The following MYO1E variants were observed in gnomAD, a reference collection of about 807,000 sequenced individuals.
MYO1E encodes myosin IE, also known as unconventional myosin-Ie.
A neutral mutation model predicts 151.1 loss-of-function variants in MYO1E; 68 were observed. The ratio of observed to expected loss-of-function variants is 0.45; its 90% CI spans 0.37 to 0.55. MYO1E has a LOEUF of 0.55. Ranked by LOEUF, MYO1E falls within the 20% of genes least tolerant of loss-of-function variation. The pLI is 0.00. For synonymous variants in MYO1E, 601 were observed against 501.7 expected (o/e 1.20, Z -2.64); for missense variants, 1,363 against 1,389.3 (o/e 0.98, Z 0.30).
chr15:59,222,779 G>A (rs771998401), intron 9 of MYO1E, among the ~76,000 whole-genome samples: 21 of 152,184 alleles, frequency 1.4e-4, no homozygotes, highest in Non-Finnish European at 2.8e-4. Context: ...AAACCAAGGT[G>A]TGAAATCCTC....
chr15:59,308,412 C>T lies in MYO1E; in HGVS notation c.4-35963G>A, dbSNP rs139878182. On this transcript the variant is annotated intron_variant, in intron 1 of 27. Coordinates refer to ENST00000288235, the MANE Select transcript of MYO1E (RefSeq NM_004998.4). The stretch of plus-strand genomic sequence containing the variant: ...TTAGGCTGGGCACAATGGCTCACGC[C>T]TGTAATCCCAGCACTTTGGGAGGCC... Among the ~76,000 whole-genome samples the T allele has an allele frequency of 1.2e-3, 190 of 152,078 alleles. 1 individual carries two copies. The highest frequency in any genetic ancestry group is 6.8e-3 in the Middle Eastern group (2 of 294).
Position 59,132,730 on chromosome 15 carries a change from C to T in MYO1E, c.*4650G>A, listed in dbSNP as rs544069038. 2 of 152,282 alleles carry T rather than the reference C, an allele frequency of 1.3e-5. No individual in the cohort carries two copies. The highest frequency in any genetic ancestry group is 2.1e-4 in the South Asian group (1 of 4,828). The allele number at this position is 152,282 out of a possible 1,614,324, so 9.4% of individuals were successfully genotyped here. ...GATCTCTATACTTTAGTTTCTGTACCTGTGAAGTGGGGATAAGAGTGTCTC... is the reference window on the plus strand; with the variant it reads ...GATCTCTATACTTTAGTTTCTGTACTTGTGAAGTGGGGATAAGAGTGTCTC... On this transcript the variant is annotated 3_prime_UTR_variant, in exon 28 of 28. Transcript: ENST00000288235.
chr15:59,147,557 A>T (rs768473716), intron 26 of MYO1E, among the ~76,000 whole-genome samples: 8 of 125,970 alleles, frequency 6.4e-5, no homozygotes, highest in Non-Finnish European at 1.3e-4. Context: ...GGATCGCGCC[A>T]TTGCACTCCA....
intron 1 of MYO1E, among the ~76,000 whole-genome samples, chr15:59,352,913 A>C (rs2080831668): frequency 6.6e-6 from 1 of 152,180 alleles, no homozygotes; most frequent in African/African-American, 2.4e-5. Flanking sequence ...GCACTTCCGA[A>C]AACAGCATTA....
At chr15:59,236,796 T>C (rs570656709) in intron 4 of MYO1E, 124 bp from the exon 5 acceptor site, 4 of 142,186 alleles carry the variant, frequency 2.8e-5, no homozygotes, top group African/African-American at 9.8e-5. Flanking sequence ...CAGAAAAGAA[T>C]TTTTTTTTTT....
rs941525256 is a variant in MYO1E, at chr15:59,159,907, C to T, written c.2785+1166G>A. 5.9e-5 allele frequency among the ~76,000 whole-genome samples: 9 copies of T among 152,110 alleles called. No individual in the cohort carries two copies. The highest frequency in any genetic ancestry group is 2.1e-4 in the South Asian group (1 of 4,830). On this transcript the variant is annotated intron_variant, in intron 24 of 27. Transcript: ENST00000288235. This position sits in a 1 kb window ranked among gnomAD's most constrained non-coding sequence, Gnocchi z 4.4. ...TTGCCCAGGCTGGTGTGCAATGGCG[C>T]GATCTCAGCTCACTGCAACCTCCAC...
At chr15:59,258,963 T>G (rs1453411542) in intron 3 of MYO1E, among the ~76,000 whole-genome samples, 1 of 150,784 alleles carries the variant, frequency 6.6e-6, no homozygotes, top group Non-Finnish European at 1.5e-5. Context: ...TGTTTTTTTT[T>G]GTTTTTGTTT....
chr15:59,180,476 T>G (rs777172179), intron 18 of MYO1E, among the ~76,000 whole-genome samples: 28 of 152,174 alleles, frequency 1.8e-4, no homozygotes, highest in Non-Finnish European at 3.1e-4. Flanking sequence ...AGTATATTTA[T>G]CGTGCAACTG....
At chr15:59,164,288 C>T (rs1047469760) in intron 22 of MYO1E, among the ~76,000 whole-genome samples, 2 of 152,206 alleles carry the variant, frequency 1.3e-5, no homozygotes, top group African/African-American at 4.8e-5. Context: ...TCTCCAAGTA[C>T]CACTGCCAAA....
rs573876235 is a variant in MYO1E, at chr15:59,285,255, G to A, written c.4-12806C>T. ...TTAAAGCAATCTTGCAAGGTGTGGC[G>A]GTTCATGTCCTTCATCTCAGTGGAG... is the stretch of plus-strand genomic sequence containing the variant. On this transcript the variant is annotated intron_variant, in intron 1 of 27. Transcript: ENST00000288235. Among the ~76,000 whole-genome samples, 74 of 151,624 alleles carry A rather than the reference G, an allele frequency of 4.9e-4. 3 individuals are homozygous for A. In the South Asian group the frequency reaches 7.9e-3, roughly 16 times the overall value.
chr15:59,196,986 C>CTTTTTTTTTT lies in MYO1E; in HGVS notation c.1699-1429_1699-1420dup, dbSNP rs71977305. ...ATTTTAGTTTTGTATTTAATTACGA[C>CTTTTTTTTTT]TTTTTTTTTTTTTTTTTTTTTTTTG... On this transcript the variant is annotated intron_variant, in intron 16 of 27. Coordinates refer to ENST00000288235, the MANE Select transcript of MYO1E (RefSeq NM_004998.4). Among the ~76,000 whole-genome samples the CTTTTTTTTTT allele has an allele frequency of 5.1e-3, 367 of 71,514 alleles. 49 individuals carry two copies. The highest frequency in any genetic ancestry group is 7.1e-3 in the East Asian group (13 of 1,826). 46.9% of individuals were successfully genotyped at this position (71,514 alleles called of 152,430 possible).
chr15:59,320,079 GC>G (rs781361637), intron 1 of MYO1E, among the ~76,000 whole-genome samples: 14 of 151,962 alleles, frequency 9.2e-5, no homozygotes, highest in Admixed American at 4.6e-4. Context: ...ATTGACAATA[GC>G]AAAAAAACTA....
intron 8 of MYO1E, among the ~76,000 whole-genome samples, chr15:59,224,136 G>T (rs375445305): frequency 2.6e-5 from 4 of 152,168 alleles, no homozygotes; most frequent in African/African-American, 9.7e-5. Context: ...CTACATTATT[G>T]CCCCCAGGAT....
At chr15:59,269,341 C>A (rs1398998640) in intron 2 of MYO1E, among the ~76,000 whole-genome samples, 2 of 152,152 alleles carry the variant, frequency 1.3e-5, no homozygotes, top group East Asian at 1.9e-4. Flanking sequence ...GTCACCAAAT[C>A]TATGCAGAGC....
At chr15:59,289,356 C>T (rs1400628208) in intron 1 of MYO1E, among the ~76,000 whole-genome samples, 2 of 152,210 alleles carry the variant, frequency 1.3e-5, no homozygotes, top group Non-Finnish European at 2.9e-5. Flanking sequence ...TGAGCCCTGA[C>T]CCTCTGGCAA....
chr15:59,270,225 T>G (rs2080281280), intron 2 of MYO1E, among the ~76,000 whole-genome samples: 1 of 152,224 alleles, frequency 6.6e-6, no homozygotes, highest in African/African-American at 2.4e-5. Flanking sequence ...TTAATTAGCT[T>G]GATTTTATTA....
chr15:59,290,662 G>A lies in MYO1E; in HGVS notation c.4-18213C>T, dbSNP rs115369334. 5.0e-3 allele frequency among the ~76,000 whole-genome samples: 766 copies of A among 152,310 alleles called. 5 individuals are homozygous for A. The highest frequency in any genetic ancestry group is 0.018 in the African/African-American group (739 of 41,564). The stretch of plus-strand genomic sequence containing the variant: ...GTGCCTCAGCACAATCAGACAACTT[G>A]AATATGTTTAAAATAACCTTGCAGA... On this transcript the variant is annotated intron_variant, in intron 1 of 27. Coordinates refer to ENST00000288235, the MANE Select transcript of MYO1E (RefSeq NM_004998.4).
intron 1 of MYO1E, among the ~76,000 whole-genome samples, chr15:59,305,329 G>A (rs2080508572): frequency 6.6e-6 from 1 of 152,104 alleles, no homozygotes; most frequent in South Asian, 2.1e-4. Flanking sequence ...GAGTAGTTGG[G>A]ACTACAAGCA....
intron 1 of MYO1E, among the ~76,000 whole-genome samples, chr15:59,308,350 A>C (rs2080528429): frequency 6.6e-6 from 1 of 151,476 alleles, no homozygotes; most frequent in Admixed American, 6.6e-5. Flanking sequence ...AGCATGGCCA[A>C]CATGGTGAAA....
Sources: gnomAD v4.1 joint callset for allele counts (sites outside exome capture counted in the v4.1 genomes callset) on GRCh38, gnomAD v4.1.1 for gene constraint, Gnocchi (gnomAD v3.1) non-coding constraint, MANE v1.5 for transcripts, NCBI Gene and HGNC (gene_info 2026-07-23, HGNC 2026-07-21) for gene names.